The following F5 variants were observed in gnomAD, a reference collection of about 807,000 sequenced individuals.
F5 encodes activated protein c cofactor.
In F5, 138 loss-of-function variants were observed where a neutral mutation model predicts 216.4. That is an observed-to-expected ratio of 0.64 (90% CI 0.56 to 0.73). The LOEUF is 0.73. Among genes scored for constraint, F5 ranks in the 30% least tolerant of loss-of-function variants. The pLI is 0.00. For missense variants in F5, 2,403 were observed against 2,674.0 expected (o/e 0.90, Z 2.24); for synonymous variants, 916 against 930.7 (o/e 0.98, Z 0.29).
In F5 at chr1:169,522,108, A is replaced by G. The variant is rs187802664; in HGVS notation, c.6048+1089T>C. Among the ~76,000 whole-genome samples, 470 of 152,310 alleles carry G rather than the reference A, an allele frequency of 3.1e-3. 2 individuals carry two copies. The highest frequency in any genetic ancestry group is 0.011 in the African/African-American group (455 of 41,568). Reference sequence around the variant, plus strand: ...AGGGAATTGACCAGTTAATTGAAATATACAAAGTATTTCAATTCACCCAAT... The same window carrying G: ...AGGGAATTGACCAGTTAATTGAAATGTACAAAGTATTTCAATTCACCCAAT... On this transcript the variant is annotated intron_variant, in intron 21 of 24. Coordinates refer to ENST00000367797, the MANE Select transcript of F5 (RefSeq NM_000130.5).
intron 14 of F5, among the ~76,000 whole-genome samples, chr1:169,533,981 C>T (rs965698448): frequency 1.3e-5 from 2 of 152,220 alleles, no homozygotes; most frequent in Admixed American, 1.3e-4. Flanking sequence ...CGGCGCCACA[C>T]CCTGGACCTG....
In F5 at chr1:169,514,575, C is replaced by G. The variant is rs1571554925; in HGVS notation, c.6529-116G>C. 9 of 835,340 alleles carry G rather than the reference C, an allele frequency of 1.1e-5. No homozygotes were observed. The East Asian group carries it at 2.4e-4, about 22-fold the overall frequency. 51.7% of individuals were successfully genotyped at this position (835,340 alleles called of 1,614,324 possible). ...TTGCCCAGGCTTGAGTCCAGTGGCA[C>G]AGTCATGGCTCACTGCAGCCTTAAA... is the stretch of plus-strand genomic sequence containing the variant. On this transcript the variant is annotated intron_variant, in intron 24 of 24. Coordinates refer to ENST00000367797, the MANE Select transcript of F5 (RefSeq NM_000130.5).
intron 6 of F5, 130 bp downstream of exon 6, chr1:169,556,516 G>A (rs1176243002): frequency 6.6e-6 from 5 of 757,734 alleles, no homozygotes; most frequent in Non-Finnish European, 1.1e-5. Flanking sequence ...TCTAAGTTTG[G>A]TTGTTAGGAA....
At chr1:169,582,591 G>T in intron 1 of F5, 69 bp from the exon 2 acceptor site, 1 of 826,664 alleles carries the variant, frequency 1.2e-6, no homozygotes, top group Middle Eastern at 3.2e-4. Flanking sequence ...TACAAAAAAA[G>T]TAGATCTCTC....
chr1:169,532,199 AAACT>A (rs2101812413), intron 14 of F5, among the ~76,000 whole-genome samples: 1 of 152,338 alleles, frequency 6.6e-6, no homozygotes, highest in Non-Finnish European at 1.5e-5. Flanking sequence ...AACATACTTC[AAACT>A]AATAGGAGCC....
At chr1:169,565,095 A>C (rs189558249) in intron 3 of F5, among the ~76,000 whole-genome samples, 15 of 152,118 alleles carry the variant, frequency 9.9e-5, no homozygotes, top group Admixed American at 2.6e-4. Flanking sequence ...GGGTCTTTGC[A>C]GATGCCATTC....
At chr1:169,515,920 T>G (rs953961680) in intron 23 of F5, among the ~76,000 whole-genome samples, 2 of 152,154 alleles carry the variant, frequency 1.3e-5, no homozygotes, top group Admixed American at 1.3e-4. Context: ...ACCACAATGT[T>G]AAGACACTCA....
chr1:169,562,795 C>A (rs940354383), intron 3 of F5, among the ~76,000 whole-genome samples: 3 of 151,942 alleles, frequency 2.0e-5, no homozygotes, highest in Non-Finnish European at 4.4e-5. Flanking sequence ...TTTATATATA[C>A]ATAATATACC....
intron 1 of F5, among the ~76,000 whole-genome samples, chr1:169,584,658 G>T (rs577390302): frequency 6.6e-6 from 1 of 152,340 alleles, no homozygotes; most frequent in East Asian, 1.9e-4. Flanking sequence ...GAGTATCATA[G>T]CTCTAGGGGC....
At chr1:169,535,264 A>C (rs1020665210) in intron 14 of F5, among the ~76,000 whole-genome samples, 1 of 152,088 alleles carries the variant, frequency 6.6e-6, no homozygotes, top group Non-Finnish European at 1.5e-5. Flanking sequence ...TCAGTATTTG[A>C]TTTTTTTCCT....
At chr1:169,573,755 C>A (rs1660781297) in intron 2 of F5, among the ~76,000 whole-genome samples, 1 of 152,100 alleles carries the variant, frequency 6.6e-6, no homozygotes. Flanking sequence ...AACTCACAAG[C>A]TAGTTTGGAG....
chr1:169,551,748 T>C (rs978744144), intron 8 of F5, among the ~76,000 whole-genome samples: 2 of 152,214 alleles, frequency 1.3e-5, no homozygotes, highest in South Asian at 2.1e-4. Context: ...CCTTTGTCTG[T>C]AGATTAACTA....
chr1:169,530,282 A>G (rs369667678), intron 15 of F5, among the ~76,000 whole-genome samples: 3 of 152,358 alleles, frequency 2.0e-5, no homozygotes, highest in East Asian at 1.9e-4. Context: ...TTGACAGGGT[A>G]AAAATTTAAA....
chr1:169,577,869 C>T (rs1660899167), intron 2 of F5, among the ~76,000 whole-genome samples: 1 of 151,884 alleles, frequency 6.6e-6, no homozygotes, highest in South Asian at 2.1e-4. Flanking sequence ...CAGCCCAGCC[C>T]CCTACAATTA....
Position 169,541,313 on chromosome 1 carries a change from A to G in F5, c.3777T>C (p.Ser1259=). ...LSLDLSQTNL[S]PELSQTNLSP... is the part of the protein sequence containing the mutation. ...AAAGGTTTGTCTGACTGAGTTCTGG[A>G]GAGAGGTTTGTCTGGCTGAGGTCTA... Residue 1259 remains serine (S), a synonymous_variant, in exon 13 of 25, where the codon TCT becomes TCC. Transcript: ENST00000367797. 1 of 1,572,564 alleles carries G rather than the reference A, an allele frequency of 6.4e-7. No individual in the cohort carries two copies.
intron 14 of F5, among the ~76,000 whole-genome samples, chr1:169,532,211 G>A (rs1253303660): frequency 6.6e-6 from 1 of 152,118 alleles, no homozygotes; most frequent in Admixed American, 6.6e-5. Flanking sequence ...ACTAATAGGA[G>A]CCATCTATGA....
intron 7 of F5, 108 bp downstream of exon 7, chr1:169,555,074 A>T: frequency 8.1e-7 from 1 of 1,230,566 alleles, no homozygotes. Flanking sequence ...AGAAACCAAT[A>T]CATGTGTCCC....
chr1:169,514,479 A>AATTTGGCTTT lies in F5; in HGVS notation c.6529-21_6529-20insAAAGCCAAAT. ...AAAAATCTGAAAGCCAAATAAGAGA[A>AATTTGGCTTT]AATCTTTAATGACAACATAAATGGC... On this transcript the variant is annotated intron_variant, in intron 24 of 24. Coordinates refer to ENST00000367797, the MANE Select transcript of F5 (RefSeq NM_000130.5). The AATTTGGCTTT allele has an allele frequency of 6.2e-7, 1 of 1,609,754 alleles. No individual in the cohort carries two copies. The highest frequency in any genetic ancestry group is 8.5e-7 in the Non-Finnish European group (1 of 1,176,634).
intron 13 of F5, 113 bp from the exon 14 acceptor site, chr1:169,536,793 T>C (rs768824423): frequency 1.4e-5 from 11 of 780,646 alleles, no homozygotes; most frequent in Non-Finnish European, 1.9e-5. Flanking sequence ...CTTTAATAAA[T>C]ACTTGGTGGA....
Sources: gnomAD v4.1 joint callset for allele counts (sites outside exome capture counted in the v4.1 genomes callset) on GRCh38, gnomAD v4.1.1 for gene constraint, MANE v1.5 for transcripts, NCBI Gene and HGNC (gene_info 2026-07-23, HGNC 2026-07-21) for gene names.